The following PCDHA5 variants were observed in gnomAD, a reference collection of about 807,000 sequenced individuals.
PCDHA5 encodes protocadherin alpha-5.
In PCDHA5, 43 loss-of-function variants were observed where a neutral mutation model predicts 61.6. The observed-to-expected ratio is 0.70, with a 90% CI of 0.55 to 0.90. The LOEUF (loss-of-function observed/expected upper bound fraction) is 0.90, where lower values mean the gene tolerates loss of function less well. PCDHA5 is among the 40% of genes least tolerant of loss of function. The pLI is 0.00. For synonymous variants in PCDHA5, 627 were observed against 543.9 expected, an observed-to-expected ratio of 1.15 and a Z score of -2.13; for missense variants, 1,298 against 1,222.7, an observed-to-expected ratio of 1.06 and a Z score of -0.92.
chr5:141,004,715 G>T (rs989871938), intron 3 of PCDHA5, among the ~76,000 whole-genome samples: 2 of 152,162 alleles, frequency 1.3e-5, no homozygotes, highest in African/African-American at 2.4e-5. Flanking sequence ...CGAATCAGAG[G>T]TTTTTAAATA....
intron 1 of PCDHA5, chr5:140,884,340 C>G (rs1480799859): frequency 1.2e-6 from 2 of 1,613,772 alleles, no homozygotes; most frequent in South Asian, 1.1e-5. Flanking sequence ...GGTCCAGAAG[C>G]GGCGCTGGTG....
chr5:140,913,106 T>C (rs1308946519), intron 1 of PCDHA5, among the ~76,000 whole-genome samples: 1 of 152,194 alleles, frequency 6.6e-6, no homozygotes, highest in Admixed American at 6.6e-5. Flanking sequence ...CCTCATAGAA[T>C]CAGTTTGGAA....
chr5:140,849,809 G>C (rs147465571), intron 1 of PCDHA5: 14 of 1,598,384 alleles, frequency 8.8e-6, no homozygotes, highest in East Asian at 2.2e-5. Context: ...TGTGGGCCAC[G>C]GCCAGGGTGT....
intron 1 of PCDHA5, among the ~76,000 whole-genome samples, chr5:140,886,827 G>GAAA (rs782016620): frequency 3.3e-5 from 2 of 60,922 alleles, no homozygotes; most frequent in Non-Finnish European, 6.7e-5. Flanking sequence ...ACTTCGTCTT[G>GAAA]AAAAAAAAAA....
intron 1 of PCDHA5, chr5:140,883,325 A>C: frequency 6.2e-7 from 1 of 1,614,118 alleles, no homozygotes; most frequent in Non-Finnish European, 8.5e-7. Context: ...GGTTACCATC[A>C]CTTCTTTGTC....
intron 1 of PCDHA5, chr5:140,968,952 T>C: frequency 1.2e-6 from 2 of 1,614,192 alleles, no homozygotes; most frequent in Non-Finnish European, 1.7e-6. Context: ...TTGAGCATCA[T>C]CAAGTGCTAC....
At chr5:140,898,957 G>A (rs1165991766) in intron 1 of PCDHA5, among the ~76,000 whole-genome samples, 13 of 152,052 alleles carry the variant, frequency 8.5e-5, no homozygotes, top group Admixed American at 8.5e-4. Flanking sequence ...AAGCAGTTGT[G>A]AATGGGAGTT....
intron 1 of PCDHA5, among the ~76,000 whole-genome samples, chr5:140,892,939 C>G (rs1583111138): frequency 6.6e-6 from 1 of 152,188 alleles, no homozygotes; most frequent in Non-Finnish European, 1.5e-5. Context: ...CTGATAAGCA[C>G]AATACTACTT....
At chr5:140,893,780 C>G (rs966071281) in intron 1 of PCDHA5, among the ~76,000 whole-genome samples, 1 of 151,980 alleles carries the variant, frequency 6.6e-6, no homozygotes. Flanking sequence ...TTTCTTTTAC[C>G]GTTTTTAGAA....
At chr5:140,923,971 A>G (rs557891257) in intron 1 of PCDHA5, among the ~76,000 whole-genome samples, 2 of 152,330 alleles carry the variant, frequency 1.3e-5, no homozygotes, top group East Asian at 3.9e-4. Flanking sequence ...ATACCCACAC[A>G]TACTATCCCT....
chr5:140,854,118 C>T lies in PCDHA5; in HGVS notation c.2352+29991C>T, dbSNP rs541457983. The T allele has an allele frequency of 1.9e-3, 584 of 313,350 alleles. 14 individuals carry two copies. The highest frequency in any genetic ancestry group is 2.3e-3 in the Non-Finnish European group (544 of 232,056). 19.4% of individuals were successfully genotyped at this position (313,350 alleles called of 1,614,324 possible). A position where few individuals can be genotyped will look rare whatever the true frequency, so the allele number is the denominator to read the frequency against. ...TTGAGGCTGCAGTGAACTGTGATGG[C>T]ACAACTGCATTTCAGCCCGGGTGAC... On this transcript the variant is annotated intron_variant, in intron 1 of 3. Transcript: ENST00000529859.
intron 1 of PCDHA5, chr5:140,868,480 T>G (rs1562616906): frequency 6.6e-6 from 1 of 152,316 alleles, no homozygotes. Flanking sequence ...AAACTTCAAT[T>G]TTTTCTTTGA....
At chr5:140,937,911 CAAA>C (rs200797202) in intron 1 of PCDHA5, among the ~76,000 whole-genome samples, 2 of 117,898 alleles carry the variant, frequency 1.7e-5, no homozygotes, top group Non-Finnish European at 1.9e-5. Context: ...GACTCCGTCT[CAAA>C]AAAAAAAAAA....
chr5:140,823,277 G>C lies in PCDHA5; in HGVS notation c.1502G>C (p.Arg501Pro), dbSNP rs2150124312. The C allele has an allele frequency of 6.2e-7, 1 of 1,612,322 alleles. No homozygotes were observed. Among genetic ancestry groups the C allele is most frequent in the South Asian group, 1.1e-5 (1 of 91,002 alleles). The change falls in exon 1 of 4, where the codon CGC becomes CCC. Residue 501 changes from arginine (R) to proline (P), a missense_variant. Transcript: ENST00000529859. ...CTGGTGGAGCGGCGGGTGGGCGAGC[G>C]CCCGCTGTCGAGTTACGTTTCGGTG... Reference protein sequence around the residue: ...YSLVERRVGERPLSSYVSVHA... With the variant: ...YSLVERRVGEPPLSSYVSVHA...
intron 1 of PCDHA5, chr5:140,857,501 G>C (rs1554150129): frequency 6.3e-7 from 1 of 1,598,242 alleles, no homozygotes; most frequent in Non-Finnish European, 8.6e-7. Flanking sequence ...GGACGCGCAG[G>C]AGAACGCCCT....
Position 140,828,813 on chromosome 5 carries a change from C to G in PCDHA5, c.2352+4686C>G, listed in dbSNP as rs2150159303. On this transcript the variant is annotated intron_variant, in intron 1 of 3. Coordinates refer to ENST00000529859, the MANE Select transcript of PCDHA5 (RefSeq NM_018908.3). ...CTGGATGTGAATGATAATGCTCCCA[C>G]TTTCGAACAGTCTGAATACGAAGTA... is the stretch of plus-strand genomic sequence containing the variant. 2.5e-6 allele frequency: 4 copies of G among 1,614,220 alleles called. No individual in the cohort carries two copies. The South Asian group carries it at 4.4e-5, about 18-fold the overall frequency.
chr5:140,874,622 A>G (rs554375384), intron 1 of PCDHA5, among the ~76,000 whole-genome samples: 5 of 152,374 alleles, frequency 3.3e-5, no homozygotes, highest in Non-Finnish European at 7.3e-5. Flanking sequence ...TAAACATTTT[A>G]CATTAAAGTG....
rs144630020 is a variant in PCDHA5, at chr5:140,849,710, C to T, written c.2352+25583C>T. 88 of 1,598,490 alleles carry T rather than the reference C, an allele frequency of 5.5e-5. 7 individuals carry two copies. Among genetic ancestry groups the T allele is most frequent in the Middle Eastern group, 1.7e-4 (1 of 5,908 alleles). ...TGGTGTCCACCTACAAGAATTACTA[C>T]TCGTTGGTGCTGGACAGAGCTCTGG... On this transcript the variant is annotated intron_variant, in intron 1 of 3. Transcript: ENST00000529859.
Position 140,830,509 on chromosome 5 carries a change from A to G in PCDHA5, c.2352+6382A>G, listed in dbSNP as rs1039294822. ...AAGTAAGTGAATTTTCATAATTAAC[A>G]GTTAATTTTTATTTTAAATTTATAA... On this transcript the variant is annotated intron_variant, in intron 1 of 3. Coordinates refer to ENST00000529859, the MANE Select transcript of PCDHA5 (RefSeq NM_018908.3). 2.8e-6 allele frequency: 4 copies of G among 1,410,936 alleles called. 1 individual carries two copies. Among genetic ancestry groups the G allele is most frequent in the Non-Finnish European group, 1.9e-6 (2 of 1,059,252 alleles). The allele number at this position is 1,410,936 out of a possible 1,614,324, so 87.4% of individuals were successfully genotyped here. A position where few individuals can be genotyped will look rare whatever the true frequency, so the allele number is the denominator to read the frequency against.
Sources: allele counts gnomAD v4.1 joint callset (sites outside exome capture counted in the v4.1 genomes callset), GRCh38; gene constraint gnomAD v4.1.1; transcripts MANE v1.5; gene names NCBI Gene and HGNC (gene_info 2026-07-23, HGNC 2026-07-21).